CD36: variants seen among roughly 807,000 people sequenced by gnomAD.
The protein encoded by CD36 is platelet glycoprotein 4.
Under a neutral mutation model 55.2 loss-of-function variants are expected in CD36, and 119 were observed. That is an observed-to-expected ratio of 2.15 (90% CI 1.86 to 2.51). The LOEUF (loss-of-function observed/expected upper bound fraction) is 2.51. Among genes scored for constraint, CD36 ranks in the 30% most tolerant of loss-of-function variants. The pLI is 0.00. For missense variants in CD36, 819 were observed against 555.5 expected (o/e 1.47, Z -4.77); for synonymous variants, 186 against 193.6 (o/e 0.96, Z 0.33).
intron 1 of CD36, among the ~76,000 whole-genome samples, chr7:80,609,096 T>C (rs77460122): frequency 0.01 from 1,591 of 152,254 alleles, 28 homozygotes; most frequent in African/African-American, 0.036. Context: ...CTATGTTGCT[T>C]TCAAGATAAA....
Position 80,676,934 on chromosome 7 carries a change from T to C in CD36, c.*551T>C, listed in dbSNP as rs1798183950. ...ACAAAGCGTAGACTATGCATTGTTATTCATTATAATATTTTTTGCTGTCAT... is the reference window on the plus strand; with the variant it reads ...ACAAAGCGTAGACTATGCATTGTTACTCATTATAATATTTTTTGCTGTCAT... On this transcript the variant is annotated 3_prime_UTR_variant, in exon 15 of 15. Transcript: ENST00000447544. The C allele has an allele frequency of 6.6e-6, 1 of 152,126 alleles. No individual in the cohort carries two copies. Among genetic ancestry groups the C allele is most frequent in the African/African-American group, 2.4e-5 (1 of 41,428 alleles). 9.4% of individuals were successfully genotyped at this position (152,126 alleles called of 1,614,324 possible).
chr7:80,659,470 T>G (rs530989152), intron 4 of CD36, among the ~76,000 whole-genome samples: 11 of 152,344 alleles, frequency 7.2e-5, no homozygotes, highest in Non-Finnish European at 1.2e-4. Context: ...TGAGTTACTT[T>G]GCTTTGGAAA....
At chr7:80,653,504 T>A (rs184370929) in intron 3 of CD36, among the ~76,000 whole-genome samples, 70 of 152,300 alleles carry the variant, frequency 4.6e-4, no homozygotes, top group African/African-American at 1.3e-3. Flanking sequence ...GAACATGCTA[T>A]GTGAGAGTCA....
chr7:80,603,920 G>C (rs1792389496), intron 1 of CD36, among the ~76,000 whole-genome samples: 1 of 152,022 alleles, frequency 6.6e-6, no homozygotes, highest in Non-Finnish European at 1.5e-5. Context: ...TTTGCTTTTG[G>C]CACAAATTAC....
intron 1 of CD36, among the ~76,000 whole-genome samples, chr7:80,608,438 G>C (rs1792687112): frequency 6.6e-6 from 1 of 152,088 alleles, no homozygotes; most frequent in Non-Finnish European, 1.5e-5. Context: ...TTCCCTATCT[G>C]TAACACATGG....
intron 1 of CD36, among the ~76,000 whole-genome samples, chr7:80,608,922 C>T (rs935882386): frequency 2.0e-5 from 3 of 151,792 alleles, no homozygotes; most frequent in African/African-American, 7.3e-5. Flanking sequence ...CCACCCCCAC[C>T]CCCATAGCCA....
chr7:80,678,942 C>G lies in CD36; in HGVS notation c.*2559C>G, dbSNP rs189864016. The G allele has an allele frequency of 6.6e-6, 1 of 151,902 alleles. No individual in the cohort carries two copies. The highest frequency in any genetic ancestry group is 1.5e-5 in the Non-Finnish European group (1 of 68,010). 9.4% of individuals were successfully genotyped at this position (151,902 alleles called of 1,614,324 possible). A position where few individuals can be genotyped will look rare whatever the true frequency, so the allele number is the denominator to read the frequency against. ...AGTTGGAGTTTGTTTTAGGTGTGTA[C>G]CAACTGACATTTCAGTTTTTCTGTT... On this transcript the variant is annotated 3_prime_UTR_variant, in exon 15 of 15. Coordinates refer to ENST00000447544, the MANE Select transcript of CD36 (RefSeq NM_001001548.3).
At chr7:80,635,947 G>C (rs12533372), upstream of CD36, among the ~76,000 whole-genome samples, 1,192 of 152,066 alleles carry the variant, frequency 7.8e-3, 56 homozygotes, top group East Asian at 0.1. Flanking sequence ...GTACTATAGG[G>C]GTTCAGTGGT....
chr7:80,656,234 C>G (rs1201667427), intron 3 of CD36, among the ~76,000 whole-genome samples: 1 of 152,088 alleles, frequency 6.6e-6, no homozygotes, highest in Non-Finnish European at 1.5e-5. Flanking sequence ...TTGACTGTTG[C>G]AATATTTTCA....
chr7:80,663,079 A>G lies in CD36; in HGVS notation c.519A>G (p.Arg173=). The change falls in exon 6 of 15, where the codon AGA becomes AGG. Residue 173 remains arginine (R), a synonymous_variant. Transcript: ENST00000447544. ...CAAAATCTTCTATGTTCCAAGTCAG[A>G]ACTTTGAGAGAACTGTTATGGGGCT... ...NKSKSSMFQV[R]TLRELLWGYR... 1 of 1,613,452 alleles carries G rather than the reference A, an allele frequency of 6.2e-7. No homozygotes were observed. Among genetic ancestry groups the G allele is most frequent in the South Asian group, 1.1e-5 (1 of 91,076 alleles).
intron 13 of CD36, 29 bp from the exon 14 acceptor site, chr7:80,673,954 A>C (rs968543275): frequency 5.0e-6 from 8 of 1,590,372 alleles, no homozygotes; most frequent in Non-Finnish European, 6.9e-6. Flanking sequence ...AACGTACCCA[A>C]ATAATGTTGA....
chr7:80,636,532 CAAA>C (rs5885186), upstream of CD36, among the ~76,000 whole-genome samples: 4 of 124,628 alleles, frequency 3.2e-5, no homozygotes, highest in Admixed American at 1.6e-4. Context: ...TGATCTCTTG[CAAA>C]AAAAAAAAAA....
chr7:80,651,362 C>T (rs1337385149), intron 3 of CD36, among the ~76,000 whole-genome samples: 1 of 152,004 alleles, frequency 6.6e-6, no homozygotes, highest in African/African-American at 2.4e-5. Context: ...ATATAACAAA[C>T]TTGCACATGT....
chr7:80,622,323 G>A (rs1413134985), intron 1 of CD36, among the ~76,000 whole-genome samples: 1 of 152,246 alleles, frequency 6.6e-6, no homozygotes, highest in Non-Finnish European at 1.5e-5. Flanking sequence ...AGAGGCCCAG[G>A]TGGGGCATGG....
Position 80,616,303 on chromosome 7 carries a change from A to G in CD36, c.-184+13924A>G, listed in dbSNP as rs76870916. 8.5e-3 allele frequency among the ~76,000 whole-genome samples: 1,295 copies of G among 152,236 alleles called. 58 individuals are homozygous for G. The East Asian group carries it at 0.11, about 12-fold the overall frequency. ...CATATTTTAGAATAAAATGTGGACT[A>G]TGTCATGTAATTAATCAAATCTAGC... is the stretch of plus-strand genomic sequence containing the variant. On this transcript the variant is annotated intron_variant, in intron 1 of 13. Transcript: ENST00000309881.
chr7:80,650,946 A>G (rs1712413204), intron 3 of CD36, among the ~76,000 whole-genome samples: 1 of 147,146 alleles, frequency 6.8e-6, no homozygotes, highest in Non-Finnish European at 1.5e-5. Flanking sequence ...AAAAAAAACT[A>G]AAAATCAATA....
Position 80,661,159 on chromosome 7 carries a change from A to G in CD36, c.378A>G (p.Leu126=), listed in dbSNP as rs577986664. The change falls in exon 5 of 15, where the codon CTA becomes CTG. Residue 126 remains leucine, a synonymous_variant. Transcript: ENST00000447544. The part of the protein sequence containing the change: ...QPNGAIFEPS[L]SVGTEADNFT... ...ATGGTGCCATCTTCGAACCTTCACT[A>G]TCAGTTGGAACAGAGGCTGACAACT... is the stretch of plus-strand genomic sequence containing the variant. The G allele has an allele frequency of 5.0e-6, 8 of 1,613,946 alleles. No individual in the cohort carries two copies. The highest frequency in any genetic ancestry group is 3.3e-5 in the South Asian group (3 of 91,082).
In CD36 at chr7:80,673,875, A is replaced by ATGAC. The variant is rs1294492490; in HGVS notation, c.1255-106_1255-103dup. 3.7e-6 allele frequency: 3 copies of ATGAC among 815,088 alleles called. No homozygotes were observed. In the Admixed American group the frequency reaches 6.0e-5, roughly 16 times the overall value. 50.5% of individuals were successfully genotyped at this position (815,088 alleles called of 1,614,324 possible). A position where few individuals can be genotyped will look rare whatever the true frequency, so the allele number is the denominator to read the frequency against. ...CCATTAACTTGCCTTATAGATACTG[A>ATGAC]TGACTAACACCAATAGAGGTGTTAG... is the stretch of plus-strand genomic sequence containing the variant. On this transcript the variant is annotated intron_variant, in intron 13 of 14. Transcript: ENST00000447544.
In CD36 at chr7:80,672,039, C is replaced by T. The variant is rs747406134; in HGVS notation, c.1124C>T (p.Pro375Leu). The T allele has an allele frequency of 1.8e-5, 29 of 1,603,944 alleles. No individual in the cohort carries two copies. In the South Asian group the frequency reaches 2.1e-4, roughly 12 times the overall value. ...EEHRTYLDIE[P>L]ITGFTLQFAK... ...CATAGGACATACTTGGATATTGAAC[C>T]TGTAAGAAAACACCTTATTGATCTG... The change falls in exon 11 of 15, where the codon CCT (proline) becomes CTT (leucine). Residue 375 changes from proline to leucine, a missense_variant and splice_region_variant. Physicochemically the swap from Pro to Leu is moderately conservative, Grantham distance 98. Transcript: ENST00000447544.
Sources: allele counts gnomAD v4.1 joint callset (sites outside exome capture counted in the v4.1 genomes callset), GRCh38; gene constraint gnomAD v4.1.1; transcripts MANE v1.5; gene names NCBI Gene and HGNC (gene_info 2026-07-23, HGNC 2026-07-21).